PICALM: variants seen among roughly 807,000 people sequenced by gnomAD.
PICALM encodes phosphatidylinositol-binding clathrin assembly protein.
Under a neutral mutation model 80.5 loss-of-function variants are expected in PICALM, and 40 were observed. The ratio of observed to expected loss-of-function variants is 0.50; its 90% CI spans 0.39 to 0.65. The LOEUF is 0.65. Ranked by LOEUF, PICALM falls within the 30% of genes least tolerant of loss-of-function variation. The pLI is 0.00. For missense variants in PICALM, 676 were observed against 778.9 expected, an observed-to-expected ratio of 0.87 and a Z score of 1.57; for synonymous variants, 288 against 260.3, an observed-to-expected ratio of 1.11 and a Z score of -1.02.
chr11:85,963,766 G>C (rs935077441), intron 19 of PICALM, among the ~76,000 whole-genome samples: 3 of 151,848 alleles, frequency 2.0e-5, no homozygotes, highest in African/African-American at 7.3e-5. Context: ...GTTTCATATA[G>C]TCTATCTATC....
At chr11:85,998,464 G>A (rs973681928) in intron 11 of PICALM, among the ~76,000 whole-genome samples, 2 of 151,430 alleles carry the variant, frequency 1.3e-5, no homozygotes, top group African/African-American at 4.9e-5. Context: ...GAGTGTCTAA[G>A]AATTCAAACA....
In PICALM at chr11:85,994,673, T is replaced by C. The variant is rs530998595; in HGVS notation, c.1258+2153A>G. Among the ~76,000 whole-genome samples, 11 of 152,372 alleles carry C rather than the reference T, an allele frequency of 7.2e-5. No homozygotes were observed. The South Asian group carries it at 1.9e-3, about 26-fold the overall frequency. On this transcript the variant is annotated intron_variant, in intron 12 of 19. Transcript: ENST00000393346. ...TTCAAGTAAATAGTTAACTTCAAAA[T>C]ACCTTAAGCATTTAATGTTATGATC...
At chr11:86,017,909 C>A (rs374211309) in intron 4 of PICALM, among the ~76,000 whole-genome samples, 1 of 152,040 alleles carries the variant, frequency 6.6e-6, no homozygotes, top group South Asian at 2.1e-4. Flanking sequence ...TGTGTGTGTG[C>A]GCCTGTGTGA....
chr11:86,042,121 C>T (rs2095981868), intron 1 of PICALM, among the ~76,000 whole-genome samples: 1 of 152,166 alleles, frequency 6.6e-6, no homozygotes, highest in African/African-American at 2.4e-5. Context: ...GGCAAGAACA[C>T]AGATGCATTC....
intron 14 of PICALM, 142 bp from the exon 15 acceptor site, chr11:85,982,145 T>C (rs1326058567): frequency 7.3e-6 from 5 of 683,014 alleles, no homozygotes; most frequent in South Asian, 5.5e-5. Context: ...TGTCTTTAAA[T>C]GGAAAATGAA....
chr11:85,993,712 T>A (rs780547655), intron 12 of PICALM, among the ~76,000 whole-genome samples: 3 of 152,152 alleles, frequency 2.0e-5, no homozygotes, highest in Non-Finnish European at 4.4e-5. Flanking sequence ...GTGCTGGGAT[T>A]ACAGGCGTGA....
chr11:85,970,263 A>G (rs372959903), intron 19 of PICALM, among the ~76,000 whole-genome samples: 1 of 152,248 alleles, frequency 6.6e-6, no homozygotes, highest in South Asian at 2.1e-4. Context: ...TCCAGATCTC[A>G]TAAGGATGTG....
rs577680927 is a variant in PICALM at position 86,068,893 on chromosome 11, C to T, written c.-113G>A. 3.2e-4 allele frequency: 442 copies of T among 1,387,020 alleles called. No individual in the cohort carries two copies. The highest frequency in any genetic ancestry group is 5.2e-4 in the Middle Eastern group (2 of 3,820). The allele number at this position is 1,387,020 out of a possible 1,614,324, so 85.9% of individuals were successfully genotyped here. A position where few individuals can be genotyped will look rare whatever the true frequency, so the allele number is the denominator to read the frequency against. ...ACCCCCTACCCCCACCGGCTCCTTCCCCGCCTGCCGGCCTGGGGCGCGGTT... is the reference window on the plus strand; with the variant it reads ...ACCCCCTACCCCCACCGGCTCCTTCTCCGCCTGCCGGCCTGGGGCGCGGTT... On this transcript the variant is annotated 5_prime_UTR_variant, in exon 1 of 20. Coordinates refer to ENST00000393346, the MANE Select transcript of PICALM (RefSeq NM_007166.4).
intron 3 of PICALM, among the ~76,000 whole-genome samples, chr11:86,024,060 T>TA (rs763880828): frequency 1.3e-5 from 2 of 152,132 alleles, no homozygotes; most frequent in South Asian, 4.2e-4. Flanking sequence ...AGCCAGGAGT[T>TA]AGAGGCTGCA....
intron 16 of PICALM, 104 bp downstream of exon 16, chr11:85,981,641 C>A (rs2094446125): frequency 1.3e-6 from 1 of 785,084 alleles, no homozygotes; most frequent in East Asian, 2.6e-5. Context: ...CTTGATATCT[C>A]TACACATATT....
intron 19 of PICALM, among the ~76,000 whole-genome samples, chr11:85,964,315 A>C (rs909876681): frequency 5.3e-5 from 8 of 152,216 alleles, no homozygotes; most frequent in Non-Finnish European, 1.0e-4. Flanking sequence ...TAGAAACTTA[A>C]CAATGCTGTA....
chr11:86,000,994 C>G, intron 10 of PICALM, 41 bp downstream of exon 10: 1 of 1,608,716 alleles, frequency 6.2e-7, no homozygotes, highest in Non-Finnish European at 8.5e-7. Flanking sequence ...TAATGAACAC[C>G]TGTACTCATT....
intron 1 of PICALM, among the ~76,000 whole-genome samples, chr11:86,062,318 A>T (rs898318619): frequency 3.9e-5 from 6 of 152,170 alleles, no homozygotes; most frequent in Non-Finnish European, 2.9e-5. Context: ...GGAGCTCGAG[A>T]CCAGCCTGGC....
chr11:85,997,089 T>C (rs538381572), intron 11 of PICALM, among the ~76,000 whole-genome samples, 160 bp from the exon 12 acceptor site: 2 of 152,324 alleles, frequency 1.3e-5, no homozygotes, highest in South Asian at 2.1e-4. Flanking sequence ...TATGACAGCA[T>C]ATTTCTAAGG....
rs532744290 is a variant in PICALM, at chr11:85,962,233, A to G, written c.1945-3173T>C. ...TCTTCAGCGCAACCACGGACGGCCA[A>G]TCAAAAGCACAACGATTTCAAGTAA... On this transcript the variant is annotated intron_variant, in intron 19 of 19. Coordinates refer to ENST00000393346, the MANE Select transcript of PICALM (RefSeq NM_007166.4). Among the ~76,000 whole-genome samples, 3 of 152,296 alleles carry G rather than the reference A, an allele frequency of 2.0e-5. 1 individual carries two copies. Among genetic ancestry groups the G allele is most frequent in the South Asian group, 2.1e-4 (1 of 4,824 alleles).
intron 17 of PICALM, among the ~76,000 whole-genome samples, chr11:85,979,881 C>T (rs761970158): frequency 5.9e-5 from 9 of 152,146 alleles, no homozygotes; most frequent in South Asian, 2.1e-4. Context: ...CTTTGACTGA[C>T]GAAAATTTGT....
At chr11:86,068,318 T>C (rs1835645421) in intron 1 of PICALM, among the ~76,000 whole-genome samples, 1 of 152,052 alleles carries the variant, frequency 6.6e-6, no homozygotes, top group Non-Finnish European at 1.5e-5. Context: ...AGCAGAAGGC[T>C]GCAGTGGAGA....
At chr11:86,063,216 CAAAGTA>C (rs1279465607) in intron 1 of PICALM, among the ~76,000 whole-genome samples, 2 of 152,022 alleles carry the variant, frequency 1.3e-5, no homozygotes, top group Non-Finnish European at 2.9e-5. Flanking sequence ...TTTTAAACAT[CAAAGTA>C]AATGTTTCAT....
intron 1 of PICALM, among the ~76,000 whole-genome samples, chr11:86,033,732 G>C (rs1342405072): frequency 6.6e-6 from 1 of 152,050 alleles, no homozygotes; most frequent in Non-Finnish European, 1.5e-5. Context: ...TGTGGGCAGG[G>C]CTTTTTTGTT....
Sources: gnomAD v4.1 joint callset for allele counts (sites outside exome capture counted in the v4.1 genomes callset) on GRCh38, gnomAD v4.1.1 for gene constraint, MANE v1.5 for transcripts, NCBI Gene and HGNC (gene_info 2026-07-23, HGNC 2026-07-21) for gene names.